PRAG1: variants seen among roughly 807,000 people sequenced by gnomAD.
PRAG1 encodes the protein PEAK1 related, kinase-activating pseudokinase 1.
A neutral mutation model predicts 95.6 loss-of-function variants in PRAG1; 110 were observed. The observed-to-expected ratio is 1.15, with a 90% confidence interval of 0.99 to 1.35. The LOEUF (loss-of-function observed/expected upper bound fraction) is 1.35. Among genes scored for constraint, PRAG1 ranks in the 40% most tolerant of loss-of-function variants. The pLI is 0.00. For synonymous variants in PRAG1, 1,052 were observed against 819.4 expected (o/e 1.28, Z -4.85); for missense variants, 2,554 against 1,864.7 (o/e 1.37, Z -6.81).
Position 8,318,192 on chromosome 8 carries a change from C to T in PRAG1, c.4183G>A (p.Ala1395Thr). ...CQYLASAEPG[A>T]LLQSLKLLQL... ...AGGAGCTTCAGCGACTGTAAGAGGGCCCCGGGCTCCGCAGACGCCAGGTAC... is the reference window on the plus strand; with the variant it reads ...AGGAGCTTCAGCGACTGTAAGAGGGTCCCGGGCTCCGCAGACGCCAGGTAC... The change falls in exon 6 of 6, where the codon GCC (alanine) becomes ACC (threonine). Residue 1395 changes from alanine (A) to threonine (T), a missense_variant. Ala to Thr is a moderately conservative substitution (Grantham distance 58). Coordinates refer to ENST00000615670, the MANE Select transcript of PRAG1 (RefSeq NM_001080826.3). The surrounding 1 kb of genome is among the most constrained non-coding windows in gnomAD (Gnocchi z 4.2). 1 of 1,613,930 alleles carries T rather than the reference C, an allele frequency of 6.2e-7. No individual in the cohort carries two copies. The highest frequency in any genetic ancestry group is 8.5e-7 in the Non-Finnish European group (1 of 1,179,954).
intron 3 of PRAG1, among the ~76,000 whole-genome samples, chr8:8,374,039 G>A (rs1454171359): frequency 6.6e-6 from 1 of 152,228 alleles, no homozygotes; most frequent in Non-Finnish European, 1.5e-5. Context: ...AGCCATGCTA[G>A]TTCCCATAGG....
chr8:8,335,920 G>C lies in PRAG1; in HGVS notation c.2320+3558C>G, dbSNP rs1798969724. Among the ~76,000 whole-genome samples the C allele has an allele frequency of 8.5e-5, 13 of 152,144 alleles. No individual in the cohort carries two copies. In the South Asian group the frequency reaches 2.5e-3, roughly 29 times the overall value. ...TTGCAATCAACAATATCTATCAAATGAATGACTGCATTAATATGCATTTCT... is the reference window on the plus strand; with the variant it reads ...TTGCAATCAACAATATCTATCAAATCAATGACTGCATTAATATGCATTTCT... On this transcript the variant is annotated intron_variant, in intron 4 of 5. Transcript: ENST00000615670.
At chr8:8,320,990 G>C (rs1168793908) in intron 5 of PRAG1, among the ~76,000 whole-genome samples, 2 of 152,222 alleles carry the variant, frequency 1.3e-5, no homozygotes, top group African/African-American at 4.8e-5. Flanking sequence ...AAAAAGGAAA[G>C]ACATTTACCC....
intron 3 of PRAG1, among the ~76,000 whole-genome samples, chr8:8,352,731 T>C (rs995922816): frequency 6.6e-6 from 1 of 152,256 alleles, no homozygotes; most frequent in African/African-American, 2.4e-5. Context: ...ATCTCACTTC[T>C]AGGTATACAC....
intron 2 of PRAG1, among the ~76,000 whole-genome samples, chr8:8,378,892 A>ATAT (rs1181595686): frequency 1.3e-5 from 2 of 151,826 alleles, no homozygotes; most frequent in East Asian, 3.9e-4. Context: ...AATAATAATA[A>ATAT]AGAAAAAAGA....
At chr8:8,378,933 C>G (rs187727902) in intron 2 of PRAG1, among the ~76,000 whole-genome samples, 155 of 151,804 alleles carry the variant, frequency 1.0e-3, no homozygotes, top group Middle Eastern at 6.8e-3. Flanking sequence ...GTGGGCAGAA[C>G]AGGAGGGTGA....
At chr8:8,341,598 GA>G (rs1174157616) in intron 3 of PRAG1, among the ~76,000 whole-genome samples, 1 of 152,042 alleles carries the variant, frequency 6.6e-6, no homozygotes, top group Non-Finnish European at 1.5e-5. Context: ...ACATCTATGG[GA>G]AAAAAATCAT....
Position 8,318,109 on chromosome 8 carries a change from G to A in PRAG1, c.*45C>T. 1 of 1,563,022 alleles carries A rather than the reference G, an allele frequency of 6.4e-7. No individual in the cohort carries two copies. Among genetic ancestry groups the A allele is most frequent in the Non-Finnish European group, 8.7e-7 (1 of 1,154,640 alleles). ...GTGCTTCCAAGGCGAGACAGGAAAG[G>A]GTTAGGCAGGGAAGGGGCAGCGACG... On this transcript the variant is annotated 3_prime_UTR_variant, in exon 6 of 6. Transcript: ENST00000615670. This position sits in a 1 kb window ranked among gnomAD's most constrained non-coding sequence, Gnocchi z 4.2.
chr8:8,378,215 G>A (rs1000529320), intron 2 of PRAG1, 137 bp from the exon 3 acceptor site: 2 of 989,500 alleles, frequency 2.0e-6, no homozygotes, highest in African/African-American at 1.6e-5. Flanking sequence ...TGGGGCCGGG[G>A]ACTCAGTGCA....
chr8:8,365,183 ATG>A (rs964453825), intron 3 of PRAG1, among the ~76,000 whole-genome samples: 6 of 152,208 alleles, frequency 3.9e-5, no homozygotes, highest in African/African-American at 1.4e-4. Context: ...TATAAGTAGT[ATG>A]TGTTAGGAAA....
chr8:8,347,829 T>A lies in PRAG1; in HGVS notation c.2163-8194A>T, dbSNP rs201600000. Among the ~76,000 whole-genome samples the A allele has an allele frequency of 2.1e-4, 32 of 150,066 alleles. 1 individual carries two copies. The highest frequency in any genetic ancestry group is 3.4e-4 in the Non-Finnish European group (23 of 67,346). On this transcript the variant is annotated intron_variant, in intron 3 of 5. Coordinates refer to ENST00000615670, the MANE Select transcript of PRAG1 (RefSeq NM_001080826.3). ...GATCAATTCACATCTTTTTTTTTTATTTTTTGAGGCAAAGTCTCACTCTGT... is the reference window on the plus strand; with the variant it reads ...GATCAATTCACATCTTTTTTTTTTAATTTTTGAGGCAAAGTCTCACTCTGT...
chr8:8,382,116 C>T (rs1002814173), intron 1 of PRAG1, among the ~76,000 whole-genome samples: 2 of 152,114 alleles, frequency 1.3e-5, no homozygotes, highest in Non-Finnish European at 2.9e-5. Context: ...GGGGAGTCCC[C>T]TAAAATCCTG....
intron 2 of PRAG1, among the ~76,000 whole-genome samples, chr8:8,379,669 A>G (rs1470241309): frequency 1.3e-5 from 2 of 152,226 alleles, no homozygotes; most frequent in African/African-American, 2.4e-5. Context: ...GAAAACTAGA[A>G]CAGGCAAAGA....
chr8:8,382,967 ACTGACTTCC>A (rs1800733595), intron 1 of PRAG1, among the ~76,000 whole-genome samples: 1 of 152,326 alleles, frequency 6.6e-6, no homozygotes, highest in South Asian at 2.1e-4. Context: ...TTTAAAATAA[ACTGACTTCC>A]CATAAGGAGA....
Position 8,318,875 on chromosome 8 carries a change from G to T in PRAG1, c.3500C>A (p.Ala1167Asp), listed in dbSNP as rs781899149. Reference sequence around the variant, plus strand: ...GGCGGGGGCGGGAGCCGGGGCGGGGGCGGGGGCGGGCCCGGGGCCGGCCTG... The same window carrying T: ...GGCGGGGGCGGGAGCCGGGGCGGGGTCGGGGGCGGGCCCGGGGCCGGCCTG... ...TLQAGPGPAP[A>D]PAPAPAPAAA... The change falls in exon 6 of 6, where the codon GCC (alanine) becomes GAC (aspartate). Residue 1167 changes from alanine (A) to aspartate (D), a missense_variant. Transcript: ENST00000615670. This position sits in a 1 kb window ranked among gnomAD's most constrained non-coding sequence, Gnocchi z 4.2. The T allele has an allele frequency of 4.9e-5, 67 of 1,365,104 alleles. No individual in the cohort carries two copies. In the African/African-American group the frequency reaches 8.3e-4, roughly 17 times the overall value. The allele number at this position is 1,365,104 out of a possible 1,614,324, so 84.6% of individuals were successfully genotyped here.
At chr8:8,338,431 G>C (rs2980492) in intron 4 of PRAG1, among the ~76,000 whole-genome samples, 91 of 152,282 alleles carry the variant, frequency 6.0e-4, no homozygotes, top group African/African-American at 2.1e-3. Flanking sequence ...GCTCGTGGTC[G>C]AGATGCACTG....
In PRAG1 at chr8:8,318,483, G is replaced by C. The variant is rs1236425622; in HGVS notation, c.3892C>G (p.Pro1298Ala). 1 of 1,612,370 alleles carries C rather than the reference G, an allele frequency of 6.2e-7. No homozygotes were observed. Among genetic ancestry groups the C allele is most frequent in the East Asian group, 2.2e-5 (1 of 44,862 alleles). ...AGATGTGCCAGCTGCTGCAGGCCGG[G>C]TGAGTAGAGGGACAGCGCGGGCAGC... is the stretch of plus-strand genomic sequence containing the variant. ...PPLPALSLYS[P>A]GLQQLAHLLL... Residue 1298 changes from proline (P) to alanine (A), a missense_variant, in exon 6 of 6, where the codon CCC (proline) becomes GCC (alanine). Pro to Ala is a conservative substitution (Grantham distance 27). Coordinates refer to ENST00000615670, the MANE Select transcript of PRAG1 (RefSeq NM_001080826.3). This position sits in a 1 kb window ranked among gnomAD's most constrained non-coding sequence, Gnocchi z 4.2.
At position 8,318,014 on chromosome 8, in the gene PRAG1, C is replaced by CTA. The variant is rs202093656; in HGVS notation, c.*138_*139dup. On this transcript the variant is annotated 3_prime_UTR_variant, in exon 6 of 6. Coordinates refer to ENST00000615670, the MANE Select transcript of PRAG1 (RefSeq NM_001080826.3). The surrounding 1 kb of genome is among the most constrained non-coding windows in gnomAD (Gnocchi z 4.2). ...TATTTATATATGGTATATGTATTTT[C>CTA]TATATATATATTTATATATTTTACA... 511 of 612,316 alleles carry CTA rather than the reference C, an allele frequency of 8.3e-4. 2 individuals are homozygous for CTA. The highest frequency in any genetic ancestry group is 7.8e-3 in the African/African-American group (408 of 52,396). 37.9% of individuals were successfully genotyped at this position (612,316 alleles called of 1,614,324 possible).
chr8:8,383,847 G>T (rs563492987), intron 1 of PRAG1, among the ~76,000 whole-genome samples: 12 of 152,242 alleles, frequency 7.9e-5, no homozygotes, highest in Admixed American at 6.5e-4. Context: ...ATAATCTCAG[G>T]CCACAGAGAA....
Sources: allele counts gnomAD v4.1 joint callset (sites outside exome capture counted in the v4.1 genomes callset), GRCh38; gene constraint gnomAD v4.1.1; non-coding constraint Gnocchi (gnomAD v3.1); transcripts MANE v1.5; gene names NCBI Gene and HGNC (gene_info 2026-07-23, HGNC 2026-07-21).